HMGA2: variants seen among roughly 807,000 people sequenced by gnomAD.
HMGA2 encodes the protein high mobility group protein HMGI-C.
Under a neutral mutation model 19.1 loss-of-function variants are expected in HMGA2, and 8 were observed. The ratio of observed to expected loss-of-function variants is 0.42; its 90% CI spans 0.25 to 0.76. The LOEUF is 0.76. HMGA2 is among the 30% of genes least tolerant of loss of function. The pLI, the probability that HMGA2 is intolerant of heterozygous loss-of-function variation, is 0.28. For synonymous variants in HMGA2, 60 were observed against 48.8 expected (o/e 1.23, Z -0.96); for missense variants, 109 against 136.3 (o/e 0.80, Z 1.00).
intron 3 of HMGA2, among the ~76,000 whole-genome samples, chr12:65,845,457 C>T (rs1443948413): frequency 7.9e-5 from 12 of 151,986 alleles, no homozygotes; most frequent in Admixed American, 5.9e-4. Flanking sequence ...TTAGTAGAGA[C>T]GCAGTTTCGC....
At chr12:65,932,378 C>G (rs1009258978) in intron 3 of HMGA2, among the ~76,000 whole-genome samples, 2 of 152,206 alleles carry the variant, frequency 1.3e-5, no homozygotes, top group Admixed American at 1.3e-4. Context: ...TTAACATAAG[C>G]ATCACTAGAC....
chr12:65,875,668 C>G (rs907939151), intron 3 of HMGA2, among the ~76,000 whole-genome samples: 2 of 123,454 alleles, frequency 1.6e-5, no homozygotes, highest in Non-Finnish European at 3.2e-5. Context: ...CCAGGCTGGC[C>G]TTGAACTCCT....
chr12:65,931,916 CA>C (rs1326946486), intron 3 of HMGA2, among the ~76,000 whole-genome samples: 1 of 151,950 alleles, frequency 6.6e-6, no homozygotes, highest in Non-Finnish European at 1.5e-5. Flanking sequence ...CCCTGTCTCT[CA>C]AAAAAATAAA....
intron 3 of HMGA2, among the ~76,000 whole-genome samples, chr12:65,909,144 A>C (rs2121203637): frequency 6.6e-6 from 1 of 152,362 alleles, no homozygotes; most frequent in East Asian, 1.9e-4. Context: ...TAATAATTTT[A>C]ATAACAGAAA....
intron 3 of HMGA2, chr12:65,881,676 A>G (rs1330747416): frequency 1.4e-6 from 1 of 694,488 alleles, no homozygotes; most frequent in Non-Finnish European, 2.6e-6. Context: ...GGGGAGAAAT[A>G]TGAGAGGAGG....
At chr12:65,882,837 G>A (rs1299337724) in intron 3 of HMGA2, among the ~76,000 whole-genome samples, 1 of 152,220 alleles carries the variant, frequency 6.6e-6, no homozygotes, top group East Asian at 1.9e-4. Flanking sequence ...TACCTGATCT[G>A]CTAGGGAAAT....
chr12:65,953,492 A>G, intron 4 of HMGA2: 1 of 152,246 alleles, frequency 6.6e-6, no homozygotes, highest in Non-Finnish European at 1.5e-5. Context: ...AGAGGCAAGA[A>G]CAAATACATC....
chr12:65,913,982 T>C (rs1874960463), intron 3 of HMGA2, among the ~76,000 whole-genome samples: 1 of 152,196 alleles, frequency 6.6e-6, no homozygotes. Context: ...CCCTGCAACA[T>C]GCTTTTTAAA....
chr12:65,924,036 C>G (rs1279460862), intron 3 of HMGA2, among the ~76,000 whole-genome samples: 1 of 151,826 alleles, frequency 6.6e-6, no homozygotes, highest in Non-Finnish European at 1.5e-5. Flanking sequence ...AACAAAAGAA[C>G]AAACAAAAAA....
At chr12:65,852,808 G>A (rs879503678) in intron 3 of HMGA2, among the ~76,000 whole-genome samples, 3 of 152,174 alleles carry the variant, frequency 2.0e-5, no homozygotes, top group Non-Finnish European at 2.9e-5. Context: ...TTAAGAGAGT[G>A]CCACATGATC....
chr12:65,828,548 T>C, intron 2 of HMGA2: 1 of 182,158 alleles, frequency 5.5e-6, no homozygotes, highest in Non-Finnish European at 1.2e-5. Context: ...CAAATCCCCC[T>C]ATTAAAGTAC....
rs1388341046 is a variant in HMGA2 at position 65,842,754 on chromosome 12, TC to T, written c.249+4187del. 1.5e-5 allele frequency: 21 copies of T among 1,383,220 alleles called. No individual in the cohort carries two copies. In the African/African-American group the frequency reaches 3.0e-4, roughly 20 times the overall value. 85.7% of individuals were successfully genotyped at this position (1,383,220 alleles called of 1,614,324 possible). On this transcript the variant is annotated intron_variant, in intron 3 of 4. Coordinates refer to ENST00000403681, the MANE Select transcript of HMGA2 (RefSeq NM_003483.6). ...ACTTCTATAGAATTCCATTAGCCAGTCCTGCCAATTGAAATTTGGCATTTAA... is the reference window on the plus strand; with the variant it reads ...ACTTCTATAGAATTCCATTAGCCAGTCTGCCAATTGAAATTTGGCATTTAA...
At chr12:65,885,015 T>A (rs1213237539) in intron 3 of HMGA2, among the ~76,000 whole-genome samples, 2 of 152,202 alleles carry the variant, frequency 1.3e-5, no homozygotes, top group Admixed American at 1.3e-4. Context: ...GCTTCCTTCA[T>A]CTCTCATGTA....
intron 4 of HMGA2, among the ~76,000 whole-genome samples, chr12:65,960,357 G>T (rs1015264514): frequency 1.3e-5 from 2 of 152,160 alleles, no homozygotes; most frequent in African/African-American, 4.8e-5. Context: ...TGTTAAGTCT[G>T]GCCGAACCAT....
At chr12:65,889,951 T>C (rs1026871185) in intron 3 of HMGA2, among the ~76,000 whole-genome samples, 1 of 152,194 alleles carries the variant, frequency 6.6e-6, no homozygotes, top group African/African-American at 2.4e-5. Context: ...TCTTATTCCC[T>C]AAAGACAGTC....
At chr12:65,872,587 T>C (rs1872765979) in intron 3 of HMGA2, among the ~76,000 whole-genome samples, 1 of 152,162 alleles carries the variant, frequency 6.6e-6, no homozygotes, top group African/African-American at 2.4e-5. Context: ...TTCTGCCATT[T>C]ATTACTCCTA....
intron 3 of HMGA2, among the ~76,000 whole-genome samples, chr12:65,864,893 C>G (rs372530066): frequency 1.3e-5 from 2 of 152,110 alleles, no homozygotes; most frequent in South Asian, 4.1e-4. Context: ...TTGAGCTGGA[C>G]GGGTCCACTT....
intron 3 of HMGA2, chr12:65,842,752 A>G: frequency 7.2e-7 from 1 of 1,385,240 alleles, no homozygotes; most frequent in South Asian, 1.9e-5. Flanking sequence ...TCCATTAGCC[A>G]GTCCTGCCAA....
At chr12:65,906,940 A>C (rs2121196566) in intron 3 of HMGA2, among the ~76,000 whole-genome samples, 1 of 152,308 alleles carries the variant, frequency 6.6e-6, no homozygotes, top group African/African-American at 2.4e-5. Flanking sequence ...ATTGCTACAA[A>C]CATTAAAGAT....
Sources: allele counts gnomAD v4.1 joint callset (sites outside exome capture counted in the v4.1 genomes callset), GRCh38; gene constraint gnomAD v4.1.1; transcripts MANE v1.5; gene names NCBI Gene and HGNC (gene_info 2026-07-23, HGNC 2026-07-21).